Variants in FAM184A observed in about 807,000 individuals in gnomAD.
The protein encoded by FAM184A is family with sequence similarity 184 member A.
Under a neutral mutation model 143.8 loss-of-function variants are expected in FAM184A, and 99 were observed. The observed-to-expected ratio is 0.69, with a 90% CI of 0.58 to 0.81. The LOEUF (loss-of-function observed/expected upper bound fraction) is 0.81. Among genes scored for constraint, FAM184A ranks in the 40% least tolerant of loss-of-function variants. The probability of loss-of-function intolerance (pLI) is 0.00; values close to 1 mark genes in which losing one functional copy is unlikely to be tolerated. For synonymous variants in FAM184A, 427 were observed against 446.4 expected (o/e 0.96, Z 0.55); for missense variants, 1,217 against 1,310.5 (o/e 0.93, Z 1.10).
chr6:119,034,041 T>TATATATAGAGAGAG (rs1409214932), intron 1 of FAM184A, among the ~76,000 whole-genome samples: 1 of 42,006 alleles, frequency 2.4e-5, no homozygotes, highest in African/African-American at 1.1e-4. Context: ...TATATATATA[T>TATATATAGAGAGAG]AGAGAGAGAG....
At chr6:119,106,803 G>T (rs745559381) in intron 1 of FAM184A, among the ~76,000 whole-genome samples, 1 of 152,298 alleles carries the variant, frequency 6.6e-6, no homozygotes, top group Middle Eastern at 3.4e-3. Flanking sequence ...TGTTTGGGAG[G>T]TAAGGTTTAT....
At position 118,980,420 on chromosome 6, in the gene FAM184A, G is replaced by A. The variant is rs1783986097; in HGVS notation, c.2089-70C>T. 4 of 1,184,382 alleles carry A rather than the reference G, an allele frequency of 3.4e-6. No homozygotes were observed. In the Admixed American group the frequency reaches 6.1e-5, roughly 18 times the overall value. 73.4% of individuals were successfully genotyped at this position (1,184,382 alleles called of 1,614,324 possible). A position where few individuals can be genotyped will look rare whatever the true frequency, so the allele number is the denominator to read the frequency against. On this transcript the variant is annotated intron_variant, in intron 9 of 17. Coordinates refer to ENST00000338891, the MANE Select transcript of FAM184A (RefSeq NM_024581.6). ...AGTTCACAAACTACCCAGCAAAGGG[G>A]GAAAAGCATTTCAAAGATATTAATG...
intron 1 of FAM184A, among the ~76,000 whole-genome samples, chr6:119,135,426 A>C (rs1226976919): frequency 6.6e-6 from 1 of 152,228 alleles, no homozygotes; most frequent in Admixed American, 6.5e-5. Flanking sequence ...GCTTATTATT[A>C]TTCTTTAAAC....
intron 11 of FAM184A, 76 bp from the exon 12 acceptor site, chr6:118,976,120 TA>T: frequency 7.1e-7 from 1 of 1,417,252 alleles, no homozygotes. Flanking sequence ...ATTATAGAAG[TA>T]AAAAATTATT....
At chr6:119,068,047 G>GT (rs148034802) in intron 1 of FAM184A, among the ~76,000 whole-genome samples, 99 of 112,242 alleles carry the variant, frequency 8.8e-4, no homozygotes, top group Admixed American at 1.6e-3. Context: ...TTGTGTGTGG[G>GT]TTTTTTTTTT....
intron 1 of FAM184A, among the ~76,000 whole-genome samples, chr6:119,029,401 C>G (rs1377358571): frequency 6.6e-6 from 1 of 152,172 alleles, no homozygotes; most frequent in African/African-American, 2.4e-5. Context: ...TTTGATGAAT[C>G]AGTTCCAGTC....
chr6:118,970,085 C>A (rs1481793235), intron 14 of FAM184A, among the ~76,000 whole-genome samples: 2 of 141,620 alleles, frequency 1.4e-5, no homozygotes, highest in African/African-American at 2.6e-5. Context: ...TTACCTGCAA[C>A]CTCCACCTCC....
chr6:119,105,638 A>G (rs1350973591), intron 1 of FAM184A, among the ~76,000 whole-genome samples: 2 of 152,180 alleles, frequency 1.3e-5, no homozygotes, highest in African/African-American at 4.8e-5. Context: ...AACTACCCTC[A>G]CAATTTTTCT....
chr6:119,028,324 G>A (rs998836492), intron 1 of FAM184A, among the ~76,000 whole-genome samples: 2 of 152,184 alleles, frequency 1.3e-5, no homozygotes, highest in Admixed American at 6.5e-5. Flanking sequence ...TGCGGGATAG[G>A]AGCATCTTTT....
At chr6:119,071,030 T>G (rs1313898178) in intron 1 of FAM184A, among the ~76,000 whole-genome samples, 2 of 152,178 alleles carry the variant, frequency 1.3e-5, no homozygotes, top group African/African-American at 4.8e-5. Flanking sequence ...TAGACCCAGG[T>G]TATTCTTCAT....
chr6:118,964,917 T>C, intron 15 of FAM184A, 146 bp from the exon 16 acceptor site: 1 of 569,706 alleles, frequency 1.8e-6, no homozygotes, highest in Non-Finnish European at 3.1e-6. Flanking sequence ...CTTGACATGA[T>C]TGCTGCTGTC....
intron 1 of FAM184A, among the ~76,000 whole-genome samples, chr6:119,089,467 T>C (rs1788315451): frequency 6.6e-6 from 1 of 152,010 alleles, no homozygotes; most frequent in African/African-American, 2.4e-5. Flanking sequence ...GCTGGGAATA[T>C]ATACTTTTTA....
At chr6:118,968,463 T>C (rs561447406) in intron 14 of FAM184A, among the ~76,000 whole-genome samples, 18 of 152,362 alleles carry the variant, frequency 1.2e-4, no homozygotes, top group African/African-American at 4.1e-4. Context: ...AAAAATAATG[T>C]GATTTGTTAA....
At chr6:119,014,020 T>C (rs1785165733) in intron 5 of FAM184A, among the ~76,000 whole-genome samples, 1 of 152,252 alleles carries the variant, frequency 6.6e-6, no homozygotes, top group African/African-American at 2.4e-5. Context: ...GCCTACATGA[T>C]GGTATTTAGA....
intron 11 of FAM184A, among the ~76,000 whole-genome samples, chr6:118,978,075 C>T (rs910047862): frequency 1.8e-4 from 27 of 152,024 alleles, no homozygotes; most frequent in African/African-American, 4.3e-4. Context: ...GCGATTCTCC[C>T]GCCTCAGCCT....
chr6:119,018,365 G>A lies in FAM184A; in HGVS notation c.1333-1421C>T, dbSNP rs1405376573. The stretch of plus-strand genomic sequence containing the variant: ...ATAAGAAAATGTCAAGCCTAGGTCT[G>A]TTGTCAAAAGCCTACATTCATAACT... On this transcript the variant is annotated intron_variant, in intron 4 of 17. Coordinates refer to ENST00000338891, the MANE Select transcript of FAM184A (RefSeq NM_024581.6). 8.5e-5 allele frequency among the ~76,000 whole-genome samples: 13 copies of A among 152,298 alleles called. 1 individual carries two copies. Among genetic ancestry groups the A allele is most frequent in the Admixed American group, 4.6e-4 (7 of 15,310 alleles).
In FAM184A at chr6:119,027,782, C is replaced by T. The variant is rs535291310; in HGVS notation, c.160-2969G>A. On this transcript the variant is annotated intron_variant, in intron 1 of 17. Coordinates refer to ENST00000338891, the MANE Select transcript of FAM184A (RefSeq NM_024581.6). The stretch of plus-strand genomic sequence containing the variant: ...GAATGGATCTGCTGGCATACAGACT[C>T]CAGATAAGGGGGAAATGAAGACTAA... Among the ~76,000 whole-genome samples the T allele has an allele frequency of 5.9e-5, 9 of 152,284 alleles. No individual in the cohort carries two copies. In the South Asian group the frequency reaches 1.9e-3, roughly 32 times the overall value.
At chr6:118,960,250 C>T in intron 17 of FAM184A, 66 bp from the exon 18 acceptor site, 1 of 1,292,290 alleles carries the variant, frequency 7.7e-7, no homozygotes, top group South Asian at 1.2e-5. Flanking sequence ...AAGGCAAAAG[C>T]ACATAAAACA....
chr6:119,118,937 C>T (rs1162074759), intron 1 of FAM184A, among the ~76,000 whole-genome samples: 1 of 152,184 alleles, frequency 6.6e-6, no homozygotes, highest in Non-Finnish European at 1.5e-5. Flanking sequence ...AGAAATATCG[C>T]TGAATTCTTT....
Sources: gnomAD v4.1 joint callset for allele counts (sites outside exome capture counted in the v4.1 genomes callset) on GRCh38, gnomAD v4.1.1 for gene constraint, MANE v1.5 for transcripts, NCBI Gene and HGNC (gene_info 2026-07-23, HGNC 2026-07-21) for gene names.